Variants in CNBD1 observed in about 807,000 individuals in gnomAD.
CNBD1 encodes the protein cyclic nucleotide binding domain containing 1.
In CNBD1, 71 loss-of-function variants were observed where a neutral mutation model predicts 54.4. That is an observed-to-expected ratio of 1.30 (90% CI 1.08 to 1.59). The LOEUF is 1.59. Among genes scored for constraint, CNBD1 ranks in the 40% most tolerant of loss-of-function variants. CNBD1 has a pLI of 0.00. For missense variants in CNBD1, 659 were observed against 518.0 expected (o/e 1.27, Z -2.64); for synonymous variants, 182 against 170.7 (o/e 1.07, Z -0.51).
rs141138687 is a variant in CNBD1 at position 87,025,672 on chromosome 8, G to T, written c.431+85918G>T. On this transcript the variant is annotated intron_variant, in intron 4 of 10. Transcript: ENST00000518476. ...AGTCAGCAAGACAACGAACCCAGTG[G>T]GTGGAACAGACAACTCCGGACAGGC... 6.2e-3 allele frequency among the ~76,000 whole-genome samples: 930 copies of T among 150,714 alleles called. 19 individuals are homozygous for T. Among genetic ancestry groups the T allele is most frequent in the African/African-American group, 0.022 (886 of 41,104 alleles).
intron 4 of CNBD1, among the ~76,000 whole-genome samples, chr8:87,196,584 CCAAGGT>C (rs1813727000): frequency 6.6e-6 from 1 of 152,146 alleles, no homozygotes; most frequent in Non-Finnish European, 1.5e-5. Flanking sequence ...CTTTAGAACA[CCAAGGT>C]CATGAGTACC....
chr8:87,073,665 G>A (rs1810805249), intron 4 of CNBD1, among the ~76,000 whole-genome samples: 2 of 152,214 alleles, frequency 1.3e-5, no homozygotes, highest in South Asian at 4.1e-4. Context: ...GGCAAAGATG[G>A]CAGCCTGCTC....
At chr8:87,070,109 C>T (rs934438438) in intron 4 of CNBD1, among the ~76,000 whole-genome samples, 2 of 152,030 alleles carry the variant, frequency 1.3e-5, no homozygotes, top group Admixed American at 6.6e-5. Flanking sequence ...CATTTCTGGA[C>T]ATTTGAGCAC....
intron 3 of CNBD1, among the ~76,000 whole-genome samples, chr8:86,916,250 G>C (rs779021909): frequency 6.6e-6 from 1 of 152,124 alleles, no homozygotes; most frequent in Non-Finnish European, 1.5e-5. Context: ...GTATTAAAAA[G>C]TTTCAGAGCA....
At chr8:87,271,787 C>T (rs1447685709) in intron 6 of CNBD1, among the ~76,000 whole-genome samples, 1 of 149,460 alleles carries the variant, frequency 6.7e-6, no homozygotes, top group Non-Finnish European at 1.5e-5. Flanking sequence ...ATTAGTATAT[C>T]AAAGGGATAT....
At chr8:87,154,393 G>A (rs1563489044) in intron 4 of CNBD1, among the ~76,000 whole-genome samples, 1 of 152,166 alleles carries the variant, frequency 6.6e-6, no homozygotes, top group Non-Finnish European at 1.5e-5. Context: ...AGCAGAGGAG[G>A]GAAGAACAGT....
At chr8:86,953,431 A>G (rs536629058) in intron 4 of CNBD1, among the ~76,000 whole-genome samples, 73 of 152,338 alleles carry the variant, frequency 4.8e-4, no homozygotes, top group African/African-American at 1.6e-3. Flanking sequence ...GTGATTTACA[A>G]TGACCTAACA....
intron 4 of CNBD1, among the ~76,000 whole-genome samples, chr8:87,120,247 C>T (rs1231543037): frequency 2.0e-5 from 3 of 152,010 alleles, no homozygotes; most frequent in African/African-American, 7.2e-5. Context: ...TTCAATCTTG[C>T]TACTCGTTAT....
intron 4 of CNBD1, among the ~76,000 whole-genome samples, chr8:86,955,913 T>C (rs1438241428): frequency 2.0e-5 from 3 of 152,248 alleles, no homozygotes; most frequent in Non-Finnish European, 4.4e-5. Flanking sequence ...CCCATGCCTA[T>C]ATCCTGAATG....
intron 4 of CNBD1, among the ~76,000 whole-genome samples, chr8:86,968,689 G>C (rs1808150196): frequency 6.6e-6 from 1 of 152,172 alleles, no homozygotes; most frequent in Admixed American, 6.5e-5. Context: ...GCATCCTTTT[G>C]AGTCTTTGAT....
chr8:87,206,293 T>C (rs1813974684), intron 5 of CNBD1, among the ~76,000 whole-genome samples, 155 bp downstream of exon 5: 1 of 152,194 alleles, frequency 6.6e-6, no homozygotes, highest in African/African-American at 2.4e-5. Context: ...AGTTTATAAG[T>C]AGTGAAATGA....
downstream of CNBD1, among the ~76,000 whole-genome samples, chr8:87,385,272 G>A (rs1197229623): frequency 6.6e-6 from 1 of 152,122 alleles, no homozygotes; most frequent in East Asian, 1.9e-4. Flanking sequence ...GACGGTGGGT[G>A]CAGGACAGTG....
At chr8:87,376,857 C>T (rs1025905401) in intron 10 of CNBD1, among the ~76,000 whole-genome samples, 1 of 151,736 alleles carries the variant, frequency 6.6e-6, no homozygotes, top group African/African-American at 2.4e-5. Flanking sequence ...ATCTCTTACT[C>T]AAGCTTCTTA....
In CNBD1 at chr8:87,286,474, A is replaced by G. The variant is rs1808699759; in HGVS notation, c.910-65A>G. ...ATTTTACTTCTCTCACCATTTATCTATTTGCTATTTCTTTGATTTTAAATT... is the reference window on the plus strand; with the variant it reads ...ATTTTACTTCTCTCACCATTTATCTGTTTGCTATTTCTTTGATTTTAAATT... On this transcript the variant is annotated intron_variant, in intron 7 of 10. Coordinates refer to ENST00000518476, the MANE Select transcript of CNBD1 (RefSeq NM_173538.3). 7 of 931,734 alleles carry G rather than the reference A, an allele frequency of 7.5e-6. 1 individual carries two copies. In the South Asian group the frequency reaches 7.6e-5, roughly 10 times the overall value. 57.7% of individuals were successfully genotyped at this position (931,734 alleles called of 1,614,324 possible).
intron 6 of CNBD1, among the ~76,000 whole-genome samples, chr8:87,249,168 G>A (rs761049168): frequency 6.6e-5 from 10 of 152,044 alleles, no homozygotes; most frequent in African/African-American, 9.7e-5. Flanking sequence ...TCAGCTCCAC[G>A]TCAGATCATC....
intron 2 of CNBD1, among the ~76,000 whole-genome samples, chr8:86,892,633 A>G (rs1808786858): frequency 6.6e-6 from 1 of 152,156 alleles, no homozygotes; most frequent in Admixed American, 6.5e-5. Context: ...AAAATTAAAA[A>G]TTGAGTAGTT....
At chr8:87,359,018 A>G (rs1351447055) in intron 10 of CNBD1, among the ~76,000 whole-genome samples, 1 of 152,180 alleles carries the variant, frequency 6.6e-6, no homozygotes, top group South Asian at 2.1e-4. Context: ...ATCTCTCTAA[A>G]AAACACCCTC....
chr8:87,120,686 A>G (rs1365674492), intron 4 of CNBD1, among the ~76,000 whole-genome samples: 1 of 151,650 alleles, frequency 6.6e-6, no homozygotes, highest in South Asian at 2.1e-4. Flanking sequence ...TTTTTGATAC[A>G]GGTATTTATT....
chr8:87,334,622 G>T (rs537153458), intron 8 of CNBD1, among the ~76,000 whole-genome samples: 19 of 150,884 alleles, frequency 1.3e-4, no homozygotes, highest in Admixed American at 4.0e-4. Context: ...CCTTAATTTT[G>T]TTATTTACCC....
Sources: allele counts gnomAD v4.1 joint callset (sites outside exome capture counted in the v4.1 genomes callset), GRCh38; gene constraint gnomAD v4.1.1; transcripts MANE v1.5; gene names NCBI Gene and HGNC (gene_info 2026-07-23, HGNC 2026-07-21).